Variants in LHFPL3 observed in about 807,000 individuals in gnomAD.
LHFPL3 encodes LHFPL tetraspan subfamily member 3 protein.
LHFPL3 carries 5 observed loss-of-function variants against 19.3 expected under a neutral mutation model. The observed-to-expected ratio is 0.26, with a 90% CI of 0.14 to 0.54. LHFPL3 has a LOEUF of 0.54. Among genes scored for constraint, LHFPL3 ranks in the 20% least tolerant of loss-of-function variants. The pLI is 0.94. For synonymous variants in LHFPL3, 133 were observed against 126.2 expected (o/e 1.05, Z -0.36); for missense variants, 249 against 307.4 (o/e 0.81, Z 1.42).
Position 104,807,798 on chromosome 7 carries a change from C to T in LHFPL3, c.682+70887C>T, listed in dbSNP as rs188621443. On this transcript the variant is annotated intron_variant, in intron 2 of 2. Transcript: ENST00000424859. ...AAGATGTGTCTTTTCTATCTTTGTA[C>T]TCCCTCCATCCAACCACTCACTGAA... Among the ~76,000 whole-genome samples the T allele has an allele frequency of 9.2e-5, 14 of 152,362 alleles. No homozygotes were observed. In the East Asian group the frequency reaches 2.7e-3, roughly 29 times the overall value.
chr7:104,843,029 G>C (rs1791243005), intron 2 of LHFPL3, among the ~76,000 whole-genome samples: 1 of 152,164 alleles, frequency 6.6e-6, no homozygotes, highest in Admixed American at 6.5e-5. Context: ...AAAGATCTAA[G>C]ACCATGTCTT....
chr7:104,781,899 C>T (rs1371297628), intron 2 of LHFPL3, among the ~76,000 whole-genome samples: 3 of 152,210 alleles, frequency 2.0e-5, no homozygotes, highest in Non-Finnish European at 4.4e-5. Context: ...CTTGCTTCCT[C>T]TGTCTGCCAC....
intron 1 of LHFPL3, among the ~76,000 whole-genome samples, chr7:104,417,881 C>CCTCTT (rs1791655090): frequency 8.7e-6 from 1 of 115,436 alleles, no homozygotes; most frequent in East Asian, 3.2e-4. Flanking sequence ...TCTTCTTCTT[C>CCTCTT]TTCTTTTTTT....
At chr7:104,698,286 A>G (rs761246123) in intron 1 of LHFPL3, among the ~76,000 whole-genome samples, 3 of 152,252 alleles carry the variant, frequency 2.0e-5, no homozygotes, top group Non-Finnish European at 4.4e-5. Context: ...ATCTTACATT[A>G]GATCTCCCTT....
intron 2 of LHFPL3, among the ~76,000 whole-genome samples, chr7:104,810,138 GTGC>G (rs1323757995): frequency 6.6e-6 from 1 of 152,186 alleles, no homozygotes; most frequent in East Asian, 1.9e-4. Flanking sequence ...CATGGGCACA[GTGC>G]TTCCTAACAC....
intron 2 of LHFPL3, among the ~76,000 whole-genome samples, chr7:104,786,043 G>T (rs1789904853): frequency 6.6e-6 from 1 of 152,166 alleles, no homozygotes; most frequent in Non-Finnish European, 1.5e-5. Flanking sequence ...GACCCTCTGT[G>T]TGGAAAGACC....
chr7:104,654,944 T>C (rs1486019840), intron 1 of LHFPL3, among the ~76,000 whole-genome samples: 3 of 152,152 alleles, frequency 2.0e-5, no homozygotes, highest in African/African-American at 4.8e-5. Context: ...CAAGTACAAA[T>C]TATTGTCTTT....
At chr7:104,556,166 T>C (rs1789827471) in intron 1 of LHFPL3, among the ~76,000 whole-genome samples, 1 of 152,166 alleles carries the variant, frequency 6.6e-6, no homozygotes, top group South Asian at 2.1e-4. Context: ...GATCTACTAT[T>C]CTAGGGTCTG....
At chr7:104,578,947 G>A (rs931442850) in intron 1 of LHFPL3, among the ~76,000 whole-genome samples, 1 of 152,128 alleles carries the variant, frequency 6.6e-6, no homozygotes, top group South Asian at 2.1e-4. Context: ...GCCCACCAGT[G>A]TTCTGGAACA....
intron 2 of LHFPL3, among the ~76,000 whole-genome samples, chr7:104,800,738 G>T (rs1234134113): frequency 3.3e-5 from 5 of 152,122 alleles, no homozygotes; most frequent in Non-Finnish European, 5.9e-5. Flanking sequence ...TTCCTTGCTA[G>T]CCAGGCAGAT....
chr7:104,708,132 T>C (rs990045897), intron 1 of LHFPL3, among the ~76,000 whole-genome samples: 4 of 152,180 alleles, frequency 2.6e-5, no homozygotes, highest in East Asian at 1.9e-4. Flanking sequence ...CATCGCCATA[T>C]AGAAAGGCCC....
intron 2 of LHFPL3, among the ~76,000 whole-genome samples, chr7:104,783,184 T>C (rs565719584): frequency 1.3e-4 from 20 of 152,244 alleles, no homozygotes; most frequent in Non-Finnish European, 2.1e-4. Context: ...CTGGTGCACA[T>C]TGAAGTCAGA....
At chr7:104,749,275 A>G (rs1211793416) in intron 2 of LHFPL3, among the ~76,000 whole-genome samples, 1 of 152,270 alleles carries the variant, frequency 6.6e-6, no homozygotes, top group Non-Finnish European at 1.5e-5. Flanking sequence ...GAAATGTATA[A>G]CAGTCAATTA....
At chr7:104,659,025 G>T (rs1792172444) in intron 1 of LHFPL3, among the ~76,000 whole-genome samples, 1 of 152,186 alleles carries the variant, frequency 6.6e-6, no homozygotes, top group Non-Finnish European at 1.5e-5. Context: ...GTTCAGTGAG[G>T]TCCCACTGCT....
intron 2 of LHFPL3, among the ~76,000 whole-genome samples, chr7:104,889,785 G>T (rs1792211412): frequency 6.6e-6 from 1 of 152,174 alleles, no homozygotes; most frequent in Non-Finnish European, 1.5e-5. Context: ...TTGGAAATAT[G>T]AAGAATTTCA....
intron 1 of LHFPL3, among the ~76,000 whole-genome samples, chr7:104,532,336 T>TG: frequency 6.7e-6 from 1 of 148,208 alleles, no homozygotes; most frequent in Admixed American, 6.7e-5. Flanking sequence ...TTTTTTTTTT[T>TG]TTTTGGTTAA....
At chr7:104,489,933 C>T (rs1375300419) in intron 1 of LHFPL3, among the ~76,000 whole-genome samples, 1 of 152,054 alleles carries the variant, frequency 6.6e-6, no homozygotes, top group Non-Finnish European at 1.5e-5. Flanking sequence ...CTTTATAGTT[C>T]CTACCCCCTC....
At chr7:104,704,025 T>A (rs1274970843) in intron 1 of LHFPL3, among the ~76,000 whole-genome samples, 1 of 152,218 alleles carries the variant, frequency 6.6e-6, no homozygotes, top group Non-Finnish European at 1.5e-5. Context: ...TTTCATGAAA[T>A]TTTTAAGCTG....
chr7:104,499,400 G>C (rs1253206273), intron 1 of LHFPL3, among the ~76,000 whole-genome samples: 2 of 152,182 alleles, frequency 1.3e-5, no homozygotes, highest in Admixed American at 1.3e-4. Context: ...TTACATTTTT[G>C]TTAGCATTTG....
Sources: allele counts gnomAD v4.1 joint callset (sites outside exome capture counted in the v4.1 genomes callset), GRCh38; gene constraint gnomAD v4.1.1; transcripts MANE v1.5; gene names NCBI Gene and HGNC (gene_info 2026-07-23, HGNC 2026-07-21).